Variants in CCSER1 observed in about 807,000 individuals in gnomAD.
The protein encoded by CCSER1 is serine-rich coiled-coil domain-containing protein 1.
In CCSER1, 41 loss-of-function variants were observed where a neutral mutation model predicts 82.0. That is an observed-to-expected ratio of 0.50 (90% CI 0.39 to 0.65). The LOEUF (loss-of-function observed/expected upper bound fraction) is 0.65. Ranked by LOEUF, CCSER1 falls within the 30% of genes least tolerant of loss-of-function variation. The probability of loss-of-function intolerance (pLI) is 0.00; values close to 1 mark genes in which losing one functional copy is unlikely to be tolerated. For missense variants in CCSER1, 1,119 were observed against 1,064.2 expected (o/e 1.05, Z -0.72); for synonymous variants, 414 against 383.9 (o/e 1.08, Z -0.92).
chr4:91,260,754 A>G (rs1560549785), intron 10 of CCSER1, among the ~76,000 whole-genome samples: 1 of 150,746 alleles, frequency 6.6e-6, no homozygotes, highest in South Asian at 2.1e-4. Context: ...TTATTTATTT[A>G]TTTATTTATT....
chr4:91,468,401 T>G (rs1023283133), intron 10 of CCSER1, among the ~76,000 whole-genome samples: 4 of 152,014 alleles, frequency 2.6e-5, no homozygotes, highest in Non-Finnish European at 5.9e-5. Context: ...ATACCTAATA[T>G]AAATGATGAG....
At chr4:90,613,815 A>G (rs1047094682) in intron 5 of CCSER1, among the ~76,000 whole-genome samples, 1 of 152,172 alleles carries the variant, frequency 6.6e-6, no homozygotes, top group African/African-American at 2.4e-5. Flanking sequence ...GAAATAAAAA[A>G]ATAAAAATCC....
chr4:90,597,530 T>A (rs1457992832), intron 5 of CCSER1, among the ~76,000 whole-genome samples: 2 of 151,956 alleles, frequency 1.3e-5, no homozygotes, highest in South Asian at 2.1e-4. Flanking sequence ...TTTTCTTTAA[T>A]TTTTTTTAAA....
chr4:91,474,805 A>ACACACACATGTGTGTG, intron 10 of CCSER1, among the ~76,000 whole-genome samples: 3 of 67,672 alleles, frequency 4.4e-5, no homozygotes, highest in Non-Finnish European at 8.6e-5. Flanking sequence ...ATATATATAT[A>ACACACACATGTGTGTG]TATATATACA....
chr4:90,858,380 C>T (rs1463783051), intron 8 of CCSER1, among the ~76,000 whole-genome samples: 2 of 151,934 alleles, frequency 1.3e-5, no homozygotes, highest in African/African-American at 2.4e-5. Context: ...CTCAGTTTCC[C>T]AAACATACAG....
intron 9 of CCSER1, among the ~76,000 whole-genome samples, chr4:90,958,487 T>G (rs2150369777): frequency 6.7e-6 from 1 of 150,082 alleles, no homozygotes; most frequent in African/African-American, 2.5e-5. Context: ...GAGTTTATGG[T>G]AAAACATTTT....
intron 6 of CCSER1, among the ~76,000 whole-genome samples, chr4:90,699,365 C>G (rs1023873367): frequency 6.6e-6 from 1 of 151,998 alleles, no homozygotes; most frequent in Admixed American, 6.6e-5. Flanking sequence ...CTCAGAAGGT[C>G]GGGGCATGAG....
intron 10 of CCSER1, among the ~76,000 whole-genome samples, chr4:91,565,650 T>G (rs983789452): frequency 6.6e-6 from 1 of 152,098 alleles, no homozygotes; most frequent in Non-Finnish European, 1.5e-5. Context: ...TGTTTTATTC[T>G]TTTTGTGGCA....
rs373374498 is a variant in CCSER1 at position 90,884,319 on chromosome 4, G to C, written c.2095-39051G>C. On this transcript the variant is annotated intron_variant, in intron 8 of 10. Transcript: ENST00000509176. ...CAAGTTGTAATGAATTAAGAAAAAT[G>C]TGTAAAAGTAGCCCCATTTAGGGGC... 2.0e-4 allele frequency among the ~76,000 whole-genome samples: 30 copies of C among 152,266 alleles called. No individual in the cohort carries two copies. The South Asian group carries it at 6.0e-3, about 31-fold the overall frequency.
intron 8 of CCSER1, among the ~76,000 whole-genome samples, chr4:90,904,183 A>G (rs1725095825): frequency 6.6e-6 from 1 of 152,084 alleles, no homozygotes; most frequent in Non-Finnish European, 1.5e-5. Context: ...TTTATCTTAA[A>G]CTAAACGGAA....
chr4:90,208,960 C>T (rs561241436), intron 1 of CCSER1, among the ~76,000 whole-genome samples: 1 of 152,274 alleles, frequency 6.6e-6, no homozygotes, highest in Admixed American at 6.5e-5. Context: ...GCCATCTTGC[C>T]AGCCACCGAG....
intron 3 of CCSER1, among the ~76,000 whole-genome samples, chr4:90,372,826 A>G (rs17016931): frequency 0.32 from 49,052 of 151,894 alleles, 8,108 homozygotes; most frequent in South Asian, 0.4. Flanking sequence ...TAGCCTGGGA[A>G]TCAATCTCTC....
At chr4:90,785,687 A>C (rs1402629634) in intron 7 of CCSER1, among the ~76,000 whole-genome samples, 1 of 151,830 alleles carries the variant, frequency 6.6e-6, no homozygotes, top group Non-Finnish European at 1.5e-5. Flanking sequence ...ATGCCAATTA[A>C]AACTATACGT....
At chr4:90,900,486 G>T (rs1724470737) in intron 8 of CCSER1, among the ~76,000 whole-genome samples, 1 of 151,836 alleles carries the variant, frequency 6.6e-6, no homozygotes, top group South Asian at 2.1e-4. Context: ...AGAAGTGTTT[G>T]TATGTTGTGT....
At chr4:90,784,791 T>C (rs11726340) in intron 7 of CCSER1, among the ~76,000 whole-genome samples, 89,576 of 152,034 alleles carry the variant, frequency 0.59, 26,729 homozygotes, top group African/African-American at 0.68. Flanking sequence ...AACATAAACA[T>C]GGTTGATTAA....
intron 10 of CCSER1, among the ~76,000 whole-genome samples, chr4:91,496,286 C>A (rs1758800970): frequency 6.6e-6 from 1 of 151,202 alleles, no homozygotes. Flanking sequence ...GCTTGTTTTT[C>A]TGTGCTTGTA....
chr4:90,700,346 C>G (rs1448474508), intron 6 of CCSER1, among the ~76,000 whole-genome samples: 1 of 152,070 alleles, frequency 6.6e-6, no homozygotes, highest in African/African-American at 2.4e-5. Flanking sequence ...GCATAGTATT[C>G]CATGGTATAT....
intron 10 of CCSER1, among the ~76,000 whole-genome samples, chr4:91,522,800 A>G (rs1760556349): frequency 6.6e-6 from 1 of 152,154 alleles, no homozygotes; most frequent in South Asian, 2.1e-4. Context: ...TTCTAAATAT[A>G]CAATCATGTC....
At chr4:90,871,192 G>C (rs933559536) in intron 8 of CCSER1, among the ~76,000 whole-genome samples, 1 of 150,738 alleles carries the variant, frequency 6.6e-6, no homozygotes, top group Non-Finnish European at 1.5e-5. Context: ...TTTCTGCTCT[G>C]TTCTTTATTA....
Sources: gnomAD v4.1 joint callset for allele counts (sites outside exome capture counted in the v4.1 genomes callset) on GRCh38, gnomAD v4.1.1 for gene constraint, MANE v1.5 for transcripts, NCBI Gene and HGNC (gene_info 2026-07-23, HGNC 2026-07-21) for gene names.